The following NRG1 variants were observed in gnomAD, a reference collection of about 807,000 sequenced individuals.
The protein encoded by NRG1 is pro-neuregulin-1, membrane-bound isoform.
In NRG1, 18 loss-of-function variants were observed where a neutral mutation model predicts 63.8. The ratio of observed to expected loss-of-function variants is 0.28; its 90% CI spans 0.19 to 0.42. NRG1 has a LOEUF of 0.42. Among genes scored for constraint, NRG1 ranks in the 10% least tolerant of loss-of-function variants. The probability of loss-of-function intolerance (pLI) is 1.00; values close to 1 mark genes in which losing one functional copy is unlikely to be tolerated. For synonymous variants in NRG1, 302 were observed against 301.3 expected (o/e 1.00, Z -0.02); for missense variants, 762 against 814.7 (o/e 0.94, Z 0.79).
At chr8:32,585,381 A>T (rs533817004) in intron 1 of NRG1, among the ~76,000 whole-genome samples, 3 of 152,292 alleles carry the variant, frequency 2.0e-5, no homozygotes, top group African/African-American at 7.2e-5. Flanking sequence ...TGTTCTTATA[A>T]TTAGGGGCAG....
intron 1 of NRG1, among the ~76,000 whole-genome samples, chr8:31,989,244 A>C: frequency 1.3e-5 from 1 of 79,766 alleles, no homozygotes; most frequent in Non-Finnish European, 2.4e-5. Flanking sequence ...TGAGAGAGAG[A>C]CTCTGTCTCA....
At chr8:32,401,146 T>C (rs1813140378) in intron 1 of NRG1, among the ~76,000 whole-genome samples, 1 of 151,312 alleles carries the variant, frequency 6.6e-6, no homozygotes, top group South Asian at 2.1e-4. Context: ...TACTTGAGGG[T>C]GGAGGGTGGG....
intron 7 of NRG1, among the ~76,000 whole-genome samples, chr8:32,748,358 C>CACACACAGAGAG (rs748763782): frequency 0.013 from 1,605 of 121,988 alleles, 25 homozygotes; most frequent in Middle Eastern, 0.019. Flanking sequence ...CACACACACA[C>CACACACAGAGAG]AGAGAGAGAG....
intron 1 of NRG1, among the ~76,000 whole-genome samples, chr8:31,690,132 A>T (rs1042167167): frequency 3.3e-5 from 5 of 152,056 alleles, no homozygotes; most frequent in Admixed American, 3.3e-4. Context: ...TTTACTCCAC[A>T]CTTCTCCTTC....
At chr8:32,575,778 T>G (rs1248819309) in intron 1 of NRG1, among the ~76,000 whole-genome samples, 1 of 152,176 alleles carries the variant, frequency 6.6e-6, no homozygotes, top group Non-Finnish European at 1.5e-5. Context: ...TCTTACACCT[T>G]TTATAATTCT....
chr8:31,855,398 G>T (rs1827748479), intron 1 of NRG1, among the ~76,000 whole-genome samples: 1 of 151,952 alleles, frequency 6.6e-6, no homozygotes, highest in African/African-American at 2.4e-5. Flanking sequence ...ATCTTTGTTG[G>T]TTTAAAGTCT....
intron 1 of NRG1, among the ~76,000 whole-genome samples, chr8:32,030,171 G>C (rs895624526): frequency 6.6e-6 from 1 of 152,112 alleles, no homozygotes; most frequent in South Asian, 2.1e-4. Flanking sequence ...CACATAAGAA[G>C]ATCTTCATTC....
chr8:32,148,030 T>C (rs1016117605), intron 1 of NRG1, among the ~76,000 whole-genome samples: 4 of 152,140 alleles, frequency 2.6e-5, no homozygotes, highest in Non-Finnish European at 4.4e-5. Flanking sequence ...TGAAAGTCTT[T>C]TATAATGTGA....
intron 1 of NRG1, among the ~76,000 whole-genome samples, chr8:31,783,556 C>A (rs10113285): frequency 0.59 from 88,030 of 150,102 alleles, 26,238 homozygotes; most frequent in East Asian, 0.87. Flanking sequence ...TAAGCTGAGG[C>A]CAAAATGCCC....
intron 1 of NRG1, among the ~76,000 whole-genome samples, chr8:32,102,041 CT>C (rs1239350138): frequency 6.6e-6 from 1 of 152,072 alleles, no homozygotes; most frequent in Non-Finnish European, 1.5e-5. Context: ...GTAAATCTGG[CT>C]GCTGGATCTA....
At chr8:31,845,193 A>G (rs761115234) in intron 1 of NRG1, among the ~76,000 whole-genome samples, 1 of 152,146 alleles carries the variant, frequency 6.6e-6, no homozygotes, top group Non-Finnish European at 1.5e-5. Context: ...ATATAAGTCT[A>G]TTCTTCAGGA....
chr8:32,129,398 T>C (rs1834513046), intron 1 of NRG1, among the ~76,000 whole-genome samples: 2 of 151,950 alleles, frequency 1.3e-5, no homozygotes, highest in Admixed American at 6.6e-5. Flanking sequence ...CTTTGCATGC[T>C]GTGGCTTGCT....
At chr8:32,750,573 T>G (rs1283672465) in intron 7 of NRG1, among the ~76,000 whole-genome samples, 2 of 152,098 alleles carry the variant, frequency 1.3e-5, no homozygotes, top group Admixed American at 6.5e-5. Context: ...AGCAGGGGCA[T>G]CCTACAGCTG....
chr8:32,640,620 GCACACACACACACA>G (rs58796067), intron 5 of NRG1, among the ~76,000 whole-genome samples: 8 of 132,284 alleles, frequency 6.0e-5, no homozygotes, highest in Middle Eastern at 4.4e-3. Context: ...TCTCAGACCC[GCACACACACACACA>G]CACACACACA....
intron 1 of NRG1, among the ~76,000 whole-genome samples, chr8:32,474,718 A>G (rs1824286034): frequency 6.6e-6 from 1 of 151,358 alleles, no homozygotes; most frequent in South Asian, 2.1e-4. Context: ...GTTGGCCGGG[A>G]TGGTCTCGAA....
rs189529202 is a variant in NRG1, at chr8:32,604,973, T to C, written c.279-589T>C. ...TTATTCCAGTATTAAGAACCTTTCA[T>C]GTGGTACTATGCTCCCAGCAATGAG... On this transcript the variant is annotated intron_variant, in intron 2 of 11. Coordinates refer to ENST00000356819, the Ensembl canonical transcript of NRG1. Among the ~76,000 whole-genome samples the C allele has an allele frequency of 7.5e-3, 1,140 of 152,276 alleles. 6 individuals carry two copies. The highest frequency in any genetic ancestry group is 0.012 in the Non-Finnish European group (790 of 68,024).
chr8:32,446,955 A>C (rs1042933798), intron 1 of NRG1, among the ~76,000 whole-genome samples: 4 of 152,156 alleles, frequency 2.6e-5, no homozygotes, highest in Admixed American at 1.3e-4. Flanking sequence ...AGTTTGTCTT[A>C]ATTCATACCC....
chr8:32,763,714 C>T, intron 11 of NRG1, 34 bp from the exon 12 acceptor site: 2 of 1,516,036 alleles, frequency 1.3e-6, no homozygotes, highest in South Asian at 1.3e-5. Flanking sequence ...TCTTATTGCA[C>T]CACACTTATG....
rs549279462 is a variant in NRG1, at chr8:31,888,900, A to G, written c.37+249469A>G. 4.6e-5 allele frequency among the ~76,000 whole-genome samples: 7 copies of G among 152,268 alleles called. No individual in the cohort carries two copies. The East Asian group carries it at 1.4e-3, about 29-fold the overall frequency. ...CATTAAAATTTGAATAAGGCATATT[A>G]GAAAACCCTAAAGCTCTGTATTTAC... On this transcript the variant is annotated intron_variant, in intron 1 of 10. Transcript: ENST00000519301.
Sources: allele counts gnomAD v4.1 joint callset (sites outside exome capture counted in the v4.1 genomes callset), GRCh38; gene constraint gnomAD v4.1.1; transcripts MANE v1.5; gene names NCBI Gene and HGNC (gene_info 2026-07-23, HGNC 2026-07-21).